TBXAS1: variants seen among roughly 807,000 people sequenced by gnomAD.
TBXAS1 encodes the protein thromboxane-A synthase.
TBXAS1 carries 48 observed loss-of-function variants against 60.7 expected under a neutral mutation model. That is an observed-to-expected ratio of 0.79 (90% CI 0.63 to 1.01). The LOEUF is 1.01. Among genes scored for constraint, TBXAS1 ranks in the 50% least tolerant of loss-of-function variants. The pLI is 0.00. For missense variants in TBXAS1, 685 were observed against 686.3 expected, an observed-to-expected ratio of 1.00 and a Z score of 0.02; for synonymous variants, 287 against 269.7, an observed-to-expected ratio of 1.06 and a Z score of -0.63.
At chr7:139,792,462 C>T (rs1368773103) in intron 4 of TBXAS1, among the ~76,000 whole-genome samples, 1 of 152,124 alleles carries the variant, frequency 6.6e-6, no homozygotes, top group Non-Finnish European at 1.5e-5. Context: ...TCTGCAGGTC[C>T]CAGAGGTTTG....
intron 4 of TBXAS1, among the ~76,000 whole-genome samples, chr7:139,796,592 T>A (rs1053412337): frequency 8.8e-4 from 134 of 152,192 alleles, no homozygotes; most frequent in Non-Finnish European, 4.7e-4. Flanking sequence ...TCAAAACTCA[T>A]AAAATGTACA....
chr7:139,853,554 G>A (rs1800371339), intron 1 of TBXAS1, among the ~76,000 whole-genome samples: 1 of 152,114 alleles, frequency 6.6e-6, no homozygotes, highest in Non-Finnish European at 1.5e-5. Context: ...CTCATGTGTG[G>A]GAAGCACTCA....
chr7:140,000,754 C>T (rs930131445), intron 9 of TBXAS1, among the ~76,000 whole-genome samples: 1 of 151,986 alleles, frequency 6.6e-6, no homozygotes, highest in African/African-American at 2.4e-5. Context: ...AAAATAAGTC[C>T]CAGCTGAAAT....
intron 1 of TBXAS1, among the ~76,000 whole-genome samples, chr7:139,838,296 C>T (rs758457933): frequency 6.6e-6 from 1 of 152,250 alleles, no homozygotes; most frequent in Non-Finnish European, 1.5e-5. Context: ...GGAGCCCCCT[C>T]TCAGCATTGC....
chr7:139,867,212 C>A (rs1271485549), intron 1 of TBXAS1, among the ~76,000 whole-genome samples: 1 of 152,174 alleles, frequency 6.6e-6, no homozygotes, highest in Non-Finnish European at 1.5e-5. Context: ...CCTGGAGAAG[C>A]GCTATTTGCC....
At chr7:139,960,394 C>G (rs1041300653) in intron 8 of TBXAS1, among the ~76,000 whole-genome samples, 2 of 152,124 alleles carry the variant, frequency 1.3e-5, no homozygotes, top group African/African-American at 4.8e-5. Context: ...AAACTAGGCA[C>G]GGTGTCAGGG....
chr7:139,797,585 G>C (rs1047123472), intron 4 of TBXAS1: 2 of 152,184 alleles, frequency 1.3e-5, no homozygotes, highest in Non-Finnish European at 1.5e-5. Flanking sequence ...AAAGTACCTT[G>C]TAAGATGGCC....
chr7:139,833,617 G>A (rs1798863026), intron 1 of TBXAS1, among the ~76,000 whole-genome samples: 1 of 151,866 alleles, frequency 6.6e-6, no homozygotes, highest in African/African-American at 2.4e-5. Flanking sequence ...TCTGGGAGGT[G>A]GAGGTTGCAG....
At chr7:139,851,812 A>G (rs1228769473) in intron 1 of TBXAS1, among the ~76,000 whole-genome samples, 1 of 152,234 alleles carries the variant, frequency 6.6e-6, no homozygotes, top group African/African-American at 2.4e-5. Flanking sequence ...ACAGCCTCCA[A>G]GAGGGCCCTC....
intron 9 of TBXAS1, among the ~76,000 whole-genome samples, chr7:139,976,710 C>A (rs879493561): frequency 1.3e-5 from 2 of 152,110 alleles, no homozygotes; most frequent in Non-Finnish European, 2.9e-5. Context: ...TTTAGTGGGT[C>A]TGGAGTGAGG....
At chr7:139,799,067 A>G (rs1338262960) in intron 4 of TBXAS1, among the ~76,000 whole-genome samples, 1 of 136,952 alleles carries the variant, frequency 7.3e-6, no homozygotes, top group Non-Finnish European at 1.5e-5. Flanking sequence ...CTTTACTTCC[A>G]TACACTGCTT....
intron 1 of TBXAS1, among the ~76,000 whole-genome samples, chr7:139,863,271 T>G (rs1801099216): frequency 6.6e-6 from 1 of 152,230 alleles, no homozygotes; most frequent in South Asian, 2.1e-4. Context: ...ATTGTCAGGC[T>G]AATGACTGCA....
chr7:139,790,297 G>T (rs1585506641), intron 4 of TBXAS1, among the ~76,000 whole-genome samples: 1 of 152,298 alleles, frequency 6.6e-6, no homozygotes, highest in South Asian at 2.1e-4. Context: ...AAACATTCAA[G>T]CTGCTCTTCC....
chr7:139,958,714 C>T (rs1269836233), intron 8 of TBXAS1, among the ~76,000 whole-genome samples: 1 of 152,178 alleles, frequency 6.6e-6, no homozygotes, highest in South Asian at 2.1e-4. Context: ...GCTTCACGCC[C>T]GGAGAACTGT....
chr7:139,805,674 C>A (rs1211025469), intron 4 of TBXAS1, among the ~76,000 whole-genome samples: 1 of 23,312 alleles, frequency 4.3e-5, no homozygotes, highest in Non-Finnish European at 7.7e-5. Context: ...TTCTTTCTTT[C>A]TTTCTTTCTT....
intron 5 of TBXAS1, among the ~76,000 whole-genome samples, chr7:139,937,724 C>T (rs1421471466): frequency 4.6e-5 from 7 of 152,164 alleles, no homozygotes; most frequent in African/African-American, 1.4e-4. Context: ...GATTAAGTAG[C>T]GTGCTCCAAG....
chr7:139,880,078 T>C (rs1408833761), intron 3 of TBXAS1, among the ~76,000 whole-genome samples: 2 of 152,232 alleles, frequency 1.3e-5, no homozygotes, highest in Admixed American at 1.3e-4. Context: ...AAGACGGGGC[T>C]TCAACATGTC....
Position 139,957,626 on chromosome 7 carries a change from C to T in TBXAS1, c.689-8C>T. On this transcript the variant is annotated splice_polypyrimidine_tract_variant and splice_region_variant and intron_variant, in intron 7 of 12. Transcript: ENST00000448866. ...TTTTCAATGCCACTTTTGTTTTTCT[C>T]TTTCAAGTATCATTTCCATCCATAA... 1 of 1,614,094 alleles carries T rather than the reference C, an allele frequency of 6.2e-7. No individual in the cohort carries two copies. The highest frequency in any genetic ancestry group is 1.3e-5 in the African/African-American group (1 of 75,026).
intron 4 of TBXAS1, among the ~76,000 whole-genome samples, chr7:139,792,343 T>A (rs1056753384): frequency 6.6e-6 from 1 of 152,166 alleles, no homozygotes; most frequent in African/African-American, 2.4e-5. Flanking sequence ...TTACAGAGAT[T>A]CATCCAATAT....
Sources: allele counts gnomAD v4.1 joint callset (sites outside exome capture counted in the v4.1 genomes callset), GRCh38; gene constraint gnomAD v4.1.1; transcripts MANE v1.5; gene names NCBI Gene and HGNC (gene_info 2026-07-23, HGNC 2026-07-21).